Variants in LNX1 observed in about 807,000 individuals in gnomAD.
LNX1 encodes the protein ligand of numb-protein X 1, also known as E3 ubiquitin-protein ligase LNX.
In LNX1, 54 loss-of-function variants were observed where a neutral mutation model predicts 68.4. The observed-to-expected ratio is 0.79, with a 90% CI of 0.63 to 0.99. LNX1 has a LOEUF of 0.99. Among genes scored for constraint, LNX1 ranks in the 50% least tolerant of loss-of-function variants. LNX1 has a pLI of 0.00. For missense variants in LNX1, 906 were observed against 926.4 expected, an observed-to-expected ratio of 0.98 and a Z score of 0.29; for synonymous variants, 336 against 350.0, an observed-to-expected ratio of 0.96 and a Z score of 0.45.
At chr4:53,579,610 G>A (rs895088703) in intron 1 of LNX1, among the ~76,000 whole-genome samples, 3 of 152,036 alleles carry the variant, frequency 2.0e-5, no homozygotes, top group African/African-American at 7.2e-5. Context: ...AGGGTCATTC[G>A]AGATCGTGTG....
chr4:53,601,535 C>G (rs917947575), intron 2 of LNX1, among the ~76,000 whole-genome samples: 7 of 152,340 alleles, frequency 4.6e-5, no homozygotes, highest in South Asian at 2.1e-4. Context: ...GTTCTGGCCA[C>G]CTGCCCATAA....
At chr4:53,509,322 T>C (rs759711127) in intron 2 of LNX1, among the ~76,000 whole-genome samples, 18 of 152,242 alleles carry the variant, frequency 1.2e-4, no homozygotes, top group Non-Finnish European at 2.4e-4. Flanking sequence ...CCCTATATGA[T>C]TGAGCTATTT....
chr4:53,560,187 A>G lies in LNX1; in HGVS notation c.380+13436T>C, dbSNP rs1343734688. On this transcript the variant is annotated intron_variant, in intron 2 of 10. Coordinates refer to ENST00000263925, the MANE Select transcript of LNX1 (RefSeq NM_001126328.3). ...ATATAGATCAGAACTCTTAAGTAGC[A>G]TGATGTATTATAAAGGTTGTGGACT... Among the ~76,000 whole-genome samples the G allele has an allele frequency of 3.3e-5, 5 of 152,188 alleles. No individual in the cohort carries two copies. In the East Asian group the frequency reaches 9.6e-4, roughly 29 times the overall value.
At chr4:53,515,960 C>T (rs756218786) in intron 2 of LNX1, among the ~76,000 whole-genome samples, 72 of 152,142 alleles carry the variant, frequency 4.7e-4, no homozygotes, top group Non-Finnish European at 1.5e-4. Flanking sequence ...TTTAAAGATT[C>T]GCACAAAAGG....
intron 2 of LNX1, among the ~76,000 whole-genome samples, chr4:53,541,148 A>AAAG (rs1560654439): frequency 3.6e-5 from 5 of 140,822 alleles, no homozygotes; most frequent in Admixed American, 7.0e-5. Context: ...AAAAAAAAAG[A>AAAG]AAAAAAAAAA....
chr4:53,498,564 C>T (rs868661387), intron 5 of LNX1, 77 bp downstream of exon 5: 4 of 968,978 alleles, frequency 4.1e-6, no homozygotes, highest in Admixed American at 3.5e-5. Flanking sequence ...TTCATCCATC[C>T]ATCTATCCAA....
At chr4:53,511,421 C>T (rs1270120135) in intron 2 of LNX1, among the ~76,000 whole-genome samples, 1 of 152,188 alleles carries the variant, frequency 6.6e-6, no homozygotes, top group Non-Finnish European at 1.5e-5. Context: ...TGCTTCCTTT[C>T]AGTTACTCTG....
chr4:53,476,801 G>A lies in LNX1; in HGVS notation c.1844C>T (p.Pro615Leu). The change falls in exon 9 of 11, where the codon CCA becomes CTA. Residue 615 changes from proline (P) to leucine (L), a missense_variant. Transcript: ENST00000263925. Reference protein sequence around the residue: ...AALDSNHNMAPPSDWSPSWVM... With the variant: ...AALDSNHNMALPSDWSPSWVM... ...CCAGGATGGGGACCAGTCACTGGGT[G>A]GGGCCATGTTGTGGTTGGAGTCCAG... The A allele has an allele frequency of 1.2e-6, 2 of 1,614,168 alleles. No homozygotes were observed. Among genetic ancestry groups the A allele is most frequent in the Non-Finnish European group, 1.7e-6 (2 of 1,180,014 alleles).
intron 6 of LNX1, among the ~76,000 whole-genome samples, chr4:53,483,775 T>A (rs906662630): frequency 1.3e-5 from 2 of 152,204 alleles, no homozygotes; most frequent in Non-Finnish European, 2.9e-5. Context: ...CAGGGATGGT[T>A]ATTGGGCTAG....
intron 2 of LNX1, among the ~76,000 whole-genome samples, chr4:53,541,863 A>G (rs1414681387): frequency 6.6e-6 from 1 of 152,230 alleles, no homozygotes; most frequent in South Asian, 2.1e-4. Context: ...TAGCTTTGTA[A>G]TAAGTGAAAT....
intron 2 of LNX1, among the ~76,000 whole-genome samples, chr4:53,547,120 C>T (rs1256337678): frequency 6.6e-6 from 1 of 152,150 alleles, no homozygotes; most frequent in Admixed American, 6.5e-5. Context: ...AAATCGAAGA[C>T]TATGTCTATT....
intron 2 of LNX1, among the ~76,000 whole-genome samples, chr4:53,611,730 C>G (rs80356119): frequency 0.011 from 1,712 of 152,108 alleles, 19 homozygotes; most frequent in Non-Finnish European, 0.019. Context: ...ATTGCACACT[C>G]AAGGATACGC....
chr4:53,598,356 C>T (rs1403157693), intron 2 of LNX1, among the ~76,000 whole-genome samples: 1 of 151,934 alleles, frequency 6.6e-6, no homozygotes, highest in Admixed American at 6.6e-5. Context: ...CCTCAGCCTC[C>T]CAAGTACCTG....
intron 2 of LNX1, among the ~76,000 whole-genome samples, chr4:53,533,977 A>T (rs563831212): frequency 6.6e-6 from 1 of 152,358 alleles, no homozygotes; most frequent in Non-Finnish European, 1.5e-5. Flanking sequence ...TCAAGGTGCC[A>T]GGGCAGTGAG....
intron 1 of LNX1, among the ~76,000 whole-genome samples, chr4:53,581,725 C>T (rs536156755): frequency 9.9e-5 from 15 of 152,282 alleles, no homozygotes; most frequent in South Asian, 2.1e-4. Context: ...CCTCCCCTTG[C>T]GTCCCTCCCA....
At chr4:53,567,386 T>C (rs1208020425) in intron 2 of LNX1, among the ~76,000 whole-genome samples, 28 of 150,008 alleles carry the variant, frequency 1.9e-4, no homozygotes, top group African/African-American at 6.8e-4. Flanking sequence ...AACCTGCTCC[T>C]GAATGACTAC....
intron 1 of LNX1, among the ~76,000 whole-genome samples, chr4:53,589,536 C>G (rs1344173742): frequency 6.6e-6 from 1 of 152,204 alleles, no homozygotes. Flanking sequence ...CCAGTTAACA[C>G]CAGGCATTGG....
At chr4:53,634,884 C>T (rs930049199) in intron 1 of LNX1, among the ~76,000 whole-genome samples, 7 of 151,722 alleles carry the variant, frequency 4.6e-5, no homozygotes, top group Admixed American at 2.0e-4. Flanking sequence ...GTCACCCAGG[C>T]TGGAGTGCAA....
intron 1 of LNX1, among the ~76,000 whole-genome samples, chr4:53,640,091 A>G (rs972858913): frequency 3.3e-5 from 5 of 152,222 alleles, no homozygotes; most frequent in Non-Finnish European, 7.3e-5. Context: ...AAGTAGACAA[A>G]AGTATGCCTG....
Sources: allele counts gnomAD v4.1 joint callset (sites outside exome capture counted in the v4.1 genomes callset), GRCh38; gene constraint gnomAD v4.1.1; transcripts MANE v1.5; gene names NCBI Gene and HGNC (gene_info 2026-07-23, HGNC 2026-07-21).